SFPQ: variants seen among roughly 807,000 people sequenced by gnomAD.
The protein encoded by SFPQ is splicing factor, proline- and glutamine-rich.
A neutral mutation model predicts 72.9 loss-of-function variants in SFPQ; 11 were observed. The observed-to-expected ratio is 0.15, with a 90% CI of 0.09 to 0.25. SFPQ has a LOEUF of 0.25. Ranked by LOEUF, SFPQ falls within the 10% of genes least tolerant of loss-of-function variation. SFPQ has a pLI of 1.00. For missense variants in SFPQ, 847 were observed against 993.3 expected, an observed-to-expected ratio of 0.85 and a Z score of 1.98; for synonymous variants, 506 against 367.3, an observed-to-expected ratio of 1.38 and a Z score of -4.32.
downstream of SFPQ, chr1:35,178,254 G>GT (rs1639328683): frequency 2.7e-6 from 3 of 1,091,432 alleles, no homozygotes; most frequent in South Asian, 9.8e-5. Flanking sequence ...AATGAAAACT[G>GT]TATTTTCTTT....
chr1:35,188,895 A>C, intron 6 of SFPQ, 108 bp downstream of exon 6: 1 of 809,908 alleles, frequency 1.2e-6, no homozygotes, highest in Non-Finnish European at 2.1e-6. Context: ...CAGGAAGCGG[A>C]GGTTGTGGTG....
downstream of SFPQ, chr1:35,178,792 C>T: frequency 9.5e-7 from 1 of 1,052,184 alleles, no homozygotes; most frequent in African/African-American, 1.7e-5. Flanking sequence ...CCCTGTTGCA[C>T]ATGTACCATC....
In SFPQ at chr1:35,192,382, C is replaced by G. The variant is rs1484788987; in HGVS notation, c.668G>C (p.Gly223Ala). The change falls in exon 1 of 10, where the codon GGC (glycine) becomes GCC (alanine). Residue 223 changes from glycine to alanine, a missense_variant. Transcript: ENST00000357214. ...GGGGTGGCCGCCAGGCGTACTTAGG[C>G]CCGGGCCGCCACCTGGCTTCGGCCC... Reference protein sequence around the residue: ...PGGPKPGGGPGLSTPGGHPKP... With the variant: ...PGGPKPGGGPALSTPGGHPKP... The G allele has an allele frequency of 3.7e-5, 52 of 1,407,420 alleles. 1 individual carries two copies. The highest frequency in any genetic ancestry group is 4.6e-5 in the South Asian group (3 of 65,856). The allele number at this position is 1,407,420 out of a possible 1,614,324, so 87.2% of individuals were successfully genotyped here.
At position 35,184,073 on chromosome 1, in the gene SFPQ, T is replaced by C. The variant is rs1226663350; in HGVS notation, c.*383A>G. ...TCTCATGCTTTCAATGTGGAATACGTAGCCTAATATGCATAGAAGCATGAA... is the reference window on the plus strand; with the variant it reads ...TCTCATGCTTTCAATGTGGAATACGCAGCCTAATATGCATAGAAGCATGAA... On this transcript the variant is annotated 3_prime_UTR_variant, in exon 10 of 10. Transcript: ENST00000357214. 7.4e-6 allele frequency: 8 copies of C among 1,088,076 alleles called. No homozygotes were observed. The highest frequency in any genetic ancestry group is 8.9e-6 in the Non-Finnish European group (8 of 895,622). 67.4% of individuals were successfully genotyped at this position (1,088,076 alleles called of 1,614,324 possible).
intron 9 of SFPQ, among the ~76,000 whole-genome samples, 198 bp downstream of exon 9, chr1:35,186,803 C>G (rs1163199430): frequency 6.6e-6 from 1 of 152,180 alleles, no homozygotes; most frequent in Admixed American, 6.5e-5. Flanking sequence ...CAACCGTTAT[C>G]TGTTTAGGTT....
chr1:35,180,202 A>G, downstream of SFPQ: 6 of 1,051,694 alleles, frequency 5.7e-6, no homozygotes, highest in Non-Finnish European at 5.7e-6. Context: ...AACATTATAC[A>G]TGAAAACTGT....
At chr1:35,186,142 G>C (rs1639701352) in intron 9 of SFPQ, among the ~76,000 whole-genome samples, 3 of 152,134 alleles carry the variant, frequency 2.0e-5, no homozygotes, top group South Asian at 4.1e-4. Flanking sequence ...TTTATAAAAT[G>C]AATCTTATGA....
rs754337922 is a variant in SFPQ, at chr1:35,192,798, CGGT to C, written c.249_251del (p.Pro84del). The C allele has an allele frequency of 6.7e-6, 10 of 1,501,706 alleles. No individual in the cohort carries two copies. Among genetic ancestry groups the C allele is most frequent in the Non-Finnish European group, 8.8e-7 (1 of 1,131,996 alleles). The allele number at this position is 1,501,706 out of a possible 1,614,324, so 93.0% of individuals were successfully genotyped here. Reference sequence around the variant, plus strand: ...GCTGTGGATGCGGCGGCGGCTGATGCGGTGGCGGCTGCTGCGGCGGTGGCTGCT... The same window carrying C: ...GCTGTGGATGCGGCGGCGGCTGATGCGGCGGCTGCTGCGGCGGTGGCTGCT... On this transcript the variant is annotated inframe_deletion, in exon 1 of 10. Coordinates refer to ENST00000357214, the MANE Select transcript of SFPQ (RefSeq NM_005066.3).
downstream of SFPQ, chr1:35,179,109 T>G (rs1292358789): frequency 3.8e-6 from 4 of 1,057,866 alleles, no homozygotes; most frequent in Non-Finnish European, 4.6e-6. Context: ...TAAAACATTA[T>G]CAGCTAAAGC....
Position 35,193,113 on chromosome 1 carries a change from C to A in SFPQ, c.-64G>T. 6.7e-7 allele frequency: 1 copy of A among 1,490,034 alleles called. No homozygotes were observed. Among genetic ancestry groups the A allele is most frequent in the Non-Finnish European group, 8.9e-7 (1 of 1,128,158 alleles). 92.3% of individuals were successfully genotyped at this position (1,490,034 alleles called of 1,614,324 possible). A position where few individuals can be genotyped will look rare whatever the true frequency, so the allele number is the denominator to read the frequency against. On this transcript the variant is annotated 5_prime_UTR_variant, in exon 1 of 10. It adds an upstream start codon to the 5' untranslated region. Coordinates refer to ENST00000357214, the MANE Select transcript of SFPQ (RefSeq NM_005066.3). ...GACGCTCAGGAAACGTGGAGGCCAC[C>A]TTGCTTCTCACAAAATGGCGGATGA...
At chr1:35,187,159 ATAC>A in intron 8 of SFPQ, 37 bp from the exon 9 acceptor site, 1 of 1,614,064 alleles carries the variant, frequency 6.2e-7, no homozygotes, top group Non-Finnish European at 8.5e-7. Flanking sequence ...CTCCACCAGG[ATAC>A]TACTCTCTAC....
At chr1:35,188,948 G>A (rs368686716) in intron 6 of SFPQ, 55 bp downstream of exon 6, 2 of 1,400,908 alleles carry the variant, frequency 1.4e-6, no homozygotes, top group South Asian at 1.2e-5. Flanking sequence ...GCAACAGAAT[G>A]ATACGTTTCA....
chr1:35,187,514 T>C (rs1639778011), intron 7 of SFPQ, among the ~76,000 whole-genome samples: 2 of 152,192 alleles, frequency 1.3e-5, no homozygotes, highest in African/African-American at 2.4e-5. Flanking sequence ...GCAGATCACC[T>C]GAGGTCAGGA....
chr1:35,192,646 G>A lies in SFPQ; in HGVS notation c.404C>T (p.Thr135Ile). The A allele has an allele frequency of 7.2e-7, 1 of 1,382,174 alleles. No individual in the cohort carries two copies. Among genetic ancestry groups the A allele is most frequent in the South Asian group, 1.6e-5 (1 of 60,686 alleles). The allele number at this position is 1,382,174 out of a possible 1,614,324, so 85.6% of individuals were successfully genotyped here. Residue 135 changes from threonine (T) to isoleucine (I), a missense_variant, in exon 1 of 10, where the codon ACT becomes ATT. Transcript: ENST00000357214. ...TGGCGGGGCCCCCGAGGTTGGTGGAGTGGCGGGCGGGGCCGAGCTGGAGGC... is the reference window on the plus strand; with the variant it reads ...TGGCGGGGCCCCCGAGGTTGGTGGAATGGCGGGCGGGGCCGAGCTGGAGGC... Reference protein sequence around the residue: ...PPASSSAPPATPPTSGAPPGS... With the variant: ...PPASSSAPPAIPPTSGAPPGS...
intron 1 of SFPQ, 26 bp downstream of exon 1, chr1:35,192,196 G>T: frequency 2.2e-6 from 3 of 1,380,842 alleles, no homozygotes; most frequent in South Asian, 3.2e-5. Flanking sequence ...TAGGGGAGCC[G>T]ACGCGTCGCT....
chr1:35,192,566 G>T lies in SFPQ; in HGVS notation c.484C>A (p.Pro162Thr). The T allele has an allele frequency of 7.5e-7, 1 of 1,328,448 alleles. No individual in the cohort carries two copies. Among genetic ancestry groups the T allele is most frequent in the Non-Finnish European group, 9.6e-7 (1 of 1,045,416 alleles). 82.3% of individuals were successfully genotyped at this position (1,328,448 alleles called of 1,614,324 possible). A position where few individuals can be genotyped will look rare whatever the true frequency, so the allele number is the denominator to read the frequency against. ...GGCGGGGTGGGTGGCGGCGCCCCGGGAGGGGCCGAGGTGACTGCAGGCGGC... is the reference window on the plus strand; with the variant it reads ...GGCGGGGTGGGTGGCGGCGCCCCGGTAGGGGCCGAGGTGACTGCAGGCGGC... ...TPPPAVTSAP[P>T]GAPPPTPPSS... Residue 162 changes from proline (P) to threonine (T), a missense_variant, in exon 1 of 10, where the codon CCC (proline) becomes ACC (threonine). Coordinates refer to ENST00000357214, the MANE Select transcript of SFPQ (RefSeq NM_005066.3).
intron 2 of SFPQ, 58 bp from the exon 3 acceptor site, chr1:35,191,053 A>T: frequency 1.4e-6 from 2 of 1,441,968 alleles, no homozygotes; most frequent in Non-Finnish European, 1.9e-6. Flanking sequence ...TCTACTCTTA[A>T]ATTGTCATAG....
chr1:35,182,047 A>G, downstream of SFPQ: 1 of 985,328 alleles, frequency 1.0e-6, no homozygotes, highest in Non-Finnish European at 1.2e-6. Context: ...AAGGTACAGT[A>G]CTACCAAAAG....
intron 1 of SFPQ, 92 bp downstream of exon 1, chr1:35,192,130 C>A (rs1477842843): frequency 1.8e-6 from 2 of 1,104,826 alleles, no homozygotes; most frequent in African/African-American, 1.6e-5. Context: ...TTCCGGCAGC[C>A]GACAAAATGG....
Sources: gnomAD v4.1 joint callset for allele counts (sites outside exome capture counted in the v4.1 genomes callset) on GRCh38, gnomAD v4.1.1 for gene constraint, MANE v1.5 for transcripts, NCBI Gene and HGNC (gene_info 2026-07-23, HGNC 2026-07-21) for gene names.